The following CRY2 variants were observed in gnomAD, a reference collection of about 807,000 sequenced individuals.
The protein encoded by CRY2 is cryptochrome-2.
Under a neutral mutation model 69.5 loss-of-function variants are expected in CRY2, and 31 were observed. The ratio of observed to expected loss-of-function variants is 0.45; its 90% CI spans 0.34 to 0.60. The LOEUF is 0.60. CRY2 is among the 20% of genes least tolerant of loss of function. The pLI is 0.02. For synonymous variants in CRY2, 303 were observed against 312.2 expected, an observed-to-expected ratio of 0.97 and a Z score of 0.31; for missense variants, 606 against 797.8, an observed-to-expected ratio of 0.76 and a Z score of 2.90.
chr11:45,865,896 G>A (rs2086327109), intron 5 of CRY2, among the ~76,000 whole-genome samples: 2 of 152,244 alleles, frequency 1.3e-5, no homozygotes, highest in African/African-American at 4.8e-5. Flanking sequence ...TCTGGTCCCA[G>A]CGTGGAGAAT....
chr11:45,853,030 T>G (rs747309597), intron 1 of CRY2, among the ~76,000 whole-genome samples: 1 of 152,204 alleles, frequency 6.6e-6, no homozygotes, highest in Non-Finnish European at 1.5e-5. Flanking sequence ...ACAGCCTCAG[T>G]GCTCTGTTTG....
chr11:45,848,451 G>A (rs2086169830), intron 1 of CRY2, among the ~76,000 whole-genome samples: 1 of 152,072 alleles, frequency 6.6e-6, no homozygotes, highest in African/African-American at 2.4e-5. Context: ...TCATCCTCTT[G>A]TCATGATTTT....
At chr11:45,848,084 G>A (rs900890880) in intron 1 of CRY2, among the ~76,000 whole-genome samples, 1 of 152,154 alleles carries the variant, frequency 6.6e-6, no homozygotes, top group African/African-American at 2.4e-5. Flanking sequence ...GGGCGGAAGG[G>A]AGATAACGTA....
chr11:45,870,041 T>A lies in CRY2; in HGVS notation c.1195-12T>A, dbSNP rs563703331. The A allele has an allele frequency of 1.4e-5, 22 of 1,583,122 alleles. No individual in the cohort carries two copies. In the South Asian group the frequency reaches 2.0e-4, roughly 14 times the overall value. On this transcript the variant is annotated splice_polypyrimidine_tract_variant and intron_variant, in intron 7 of 11. Coordinates refer to ENST00000616080, the MANE Select transcript of CRY2 (RefSeq NM_021117.5). ...GTCCCCAAGGAGGCTGATCATCCCC[T>A]CCCCTATCTAGGTATTTGATGAGCT...
At chr11:45,879,220 ACT>A (rs550523174) in intron 11 of CRY2, among the ~76,000 whole-genome samples, 162 of 151,338 alleles carry the variant, frequency 1.1e-3, no homozygotes, top group Non-Finnish European at 1.7e-3. Context: ...TAAGAGTGAA[ACT>A]CTGTCTCAAA....
intron 1 of CRY2, among the ~76,000 whole-genome samples, chr11:45,849,768 C>T (rs929012373): frequency 2.0e-5 from 3 of 152,048 alleles, no homozygotes; most frequent in Admixed American, 6.6e-5. Context: ...TTACAGGTGG[C>T]CATCGCCACA....
chr11:45,869,604 C>T lies in CRY2; in HGVS notation c.981C>T (p.Arg327=), dbSNP rs142093998. 1 of 1,614,248 alleles carries T rather than the reference C, an allele frequency of 6.2e-7. No individual in the cohort carries two copies. The part of the protein sequence containing the change: ...TAATNNPRFD[R]MEGNPICIQI... ...CTACCAACAACCCCAGGTTTGACCG[C>T]ATGGAGGGGAACCCCATCTGCATCC... Residue 327 remains arginine (R), a synonymous_variant, in exon 7 of 12, where the codon CGC becomes CGT. Transcript: ENST00000616080.
At chr11:45,878,894 G>A (rs1199192795) in intron 11 of CRY2, among the ~76,000 whole-genome samples, 2 of 140,746 alleles carry the variant, frequency 1.4e-5, no homozygotes, top group African/African-American at 2.7e-5. Flanking sequence ...ACTCTAGCCT[G>A]GGCAACAGAA....
rs778118557 is a variant in CRY2 at position 45,867,628 on chromosome 11, A to G, written c.758A>G (p.Tyr253Cys). The change falls in exon 6 of 12, where the codon TAT becomes TGT. Residue 253 changes from tyrosine to cysteine, a missense_variant. Physicochemically the swap from Tyr to Cys is radical, Grantham distance 194. Transcript: ENST00000616080. ...CTGCTGTAGGCCTGGGTTGCCAACT[A>G]TGAGAGACCCCGAATGAACGCCAAC... is the stretch of plus-strand genomic sequence containing the variant. ...HLERKAWVAN[Y>C]ERPRMNANSL... 12 of 1,614,152 alleles carry G rather than the reference A, an allele frequency of 7.4e-6. No homozygotes were observed. The highest frequency in any genetic ancestry group is 1.7e-5 in the Admixed American group (1 of 60,032).
intron 9 of CRY2, 48 bp from the exon 10 acceptor site, chr11:45,870,794 T>C: frequency 6.6e-7 from 1 of 1,519,530 alleles, no homozygotes; most frequent in Non-Finnish European, 9.1e-7. Context: ...TGTAGCCCTC[T>C]GCAATCCTGC....
chr11:45,883,141 G>A lies in CRY2; in HGVS notation c.*2230G>A. On this transcript the variant is annotated 3_prime_UTR_variant, in exon 12 of 12. Transcript: ENST00000616080. ...CAGCATGGGGAAGAGATGGTTGCAG[G>A]CAAAATGCACTTTATAGAGATTTTC... 1 of 174,640 alleles carries A rather than the reference G, an allele frequency of 5.7e-6. No homozygotes were observed. Among genetic ancestry groups the A allele is most frequent in the East Asian group, 1.5e-4 (1 of 6,728 alleles). The allele number at this position is 174,640 out of a possible 1,614,324, so 10.8% of individuals were successfully genotyped here. A position where few individuals can be genotyped will look rare whatever the true frequency, so the allele number is the denominator to read the frequency against.
chr11:45,877,015 G>A (rs1164808660), intron 11 of CRY2, among the ~76,000 whole-genome samples: 1 of 152,166 alleles, frequency 6.6e-6, no homozygotes, highest in Non-Finnish European at 1.5e-5. Context: ...ATCAGAGGCA[G>A]GATTCTCTGT....
rs147827036 is a variant in CRY2 at position 45,856,162 on chromosome 11, T to C, written c.324+72T>C. Reference sequence around the variant, plus strand: ...CGGTTTCCCCACAGCCTGAGTGATATGATATTCCGACTGAGGGAATGGAAA... The same window carrying C: ...CGGTTTCCCCACAGCCTGAGTGATACGATATTCCGACTGAGGGAATGGAAA... On this transcript the variant is annotated intron_variant, in intron 2 of 11. Coordinates refer to ENST00000616080, the MANE Select transcript of CRY2 (RefSeq NM_021117.5). The C allele has an allele frequency of 1.9e-4, 237 of 1,237,110 alleles. 1 individual carries two copies. In the African/African-American group the frequency reaches 3.2e-3, roughly 17 times the overall value. The allele number at this position is 1,237,110 out of a possible 1,614,324, so 76.6% of individuals were successfully genotyped here. A position where few individuals can be genotyped will look rare whatever the true frequency, so the allele number is the denominator to read the frequency against.
Position 45,870,837 on chromosome 11 carries a change from C to T in CRY2, c.1550-5C>T, listed in dbSNP as rs2086374149. On this transcript the variant is annotated splice_region_variant and splice_polypyrimidine_tract_variant and intron_variant, in intron 9 of 11. Transcript: ENST00000616080. ...CACTCTGATTACTCCTCGCCTCTCTCCCAGGTCTACTGGCATCTGTCCCTT... is the reference window on the plus strand; with the variant it reads ...CACTCTGATTACTCCTCGCCTCTCTTCCAGGTCTACTGGCATCTGTCCCTT... The T allele has an allele frequency of 6.2e-7, 1 of 1,612,696 alleles. No homozygotes were observed. Among genetic ancestry groups the T allele is most frequent in the South Asian group, 1.1e-5 (1 of 91,046 alleles).
chr11:45,859,351 A>G (rs937410326), intron 3 of CRY2, among the ~76,000 whole-genome samples: 9 of 152,128 alleles, frequency 5.9e-5, no homozygotes, highest in Admixed American at 5.2e-4. Context: ...ACATGAGTCC[A>G]TGAGTTCAAG....
At chr11:45,877,760 C>T (rs2086434961) in intron 11 of CRY2, among the ~76,000 whole-genome samples, 1 of 152,160 alleles carries the variant, frequency 6.6e-6, no homozygotes, top group South Asian at 2.1e-4. Context: ...TTTGATTTCC[C>T]CAGACCCCTT....
intron 1 of CRY2, among the ~76,000 whole-genome samples, chr11:45,850,474 G>A (rs2086189785): frequency 6.6e-6 from 1 of 152,174 alleles, no homozygotes; most frequent in African/African-American, 2.4e-5. Context: ...AACACAAACA[G>A]ATTGAATATA....
At chr11:45,860,671 C>T (rs533541516) in intron 3 of CRY2, among the ~76,000 whole-genome samples, 177 bp from the exon 4 acceptor site, 2 of 152,310 alleles carry the variant, frequency 1.3e-5, no homozygotes, top group South Asian at 2.1e-4. Context: ...TTTTCCCTCT[C>T]GGTAAAATGG....
chr11:45,851,082 C>T (rs1334953575), intron 1 of CRY2, among the ~76,000 whole-genome samples: 1 of 151,600 alleles, frequency 6.6e-6, no homozygotes, highest in Non-Finnish European at 1.5e-5. Context: ...ACATTTTCCC[C>T]AGCCTCACCT....
Sources: allele counts gnomAD v4.1 joint callset (sites outside exome capture counted in the v4.1 genomes callset), GRCh38; gene constraint gnomAD v4.1.1; transcripts MANE v1.5; gene names NCBI Gene and HGNC (gene_info 2026-07-23, HGNC 2026-07-21).